The following ZZEF1 variants were observed in gnomAD, a reference collection of about 807,000 sequenced individuals.
ZZEF1 encodes zinc finger ZZ-type and EF-hand domain containing 1, also known as zinc finger ZZ-type and EF-hand domain-containing protein 1.
In ZZEF1, 157 loss-of-function variants were observed where a neutral mutation model predicts 342.8. The ratio of observed to expected loss-of-function variants is 0.46; its 90% confidence interval spans 0.40 to 0.52. ZZEF1 has a LOEUF of 0.52. ZZEF1 is among the 20% of genes least tolerant of loss of function. The probability of loss-of-function intolerance (pLI) is 0.00; values close to 1 mark genes in which losing one functional copy is unlikely to be tolerated. For synonymous variants in ZZEF1, 1,505 were observed against 1,429.1 expected (o/e 1.05, Z -1.20); for missense variants, 3,480 against 3,725.6 (o/e 0.93, Z 1.72).
intron 34 of ZZEF1, among the ~76,000 whole-genome samples, chr17:4,053,511 A>G (rs2057093344): frequency 6.6e-6 from 1 of 152,188 alleles, no homozygotes; most frequent in Non-Finnish European, 1.5e-5. Context: ...ACCCTCCTTT[A>G]TAACTCAGCA....
At chr17:4,070,412 T>C (rs1471494215) in intron 26 of ZZEF1, among the ~76,000 whole-genome samples, 1 of 152,224 alleles carries the variant, frequency 6.6e-6, no homozygotes, top group Admixed American at 6.5e-5. Flanking sequence ...TTCTTTCCAT[T>C]AAATTTCTCA....
intron 23 of ZZEF1, 76 bp from the exon 24 acceptor site, chr17:4,074,427 C>G: frequency 7.0e-7 from 1 of 1,419,022 alleles, no homozygotes; most frequent in Non-Finnish European, 9.9e-7. Flanking sequence ...CTCTTCATGA[C>G]GAGAAACATC....
intron 1 of ZZEF1, among the ~76,000 whole-genome samples, chr17:4,126,954 G>A (rs571057631): frequency 2.0e-5 from 3 of 152,044 alleles, no homozygotes; most frequent in East Asian, 3.9e-4. Context: ...GTGCTAGAGC[G>A]AGAGTCTGTC....
chr17:4,115,754 T>C (rs2058383758), intron 3 of ZZEF1, among the ~76,000 whole-genome samples: 1 of 152,244 alleles, frequency 6.6e-6, no homozygotes, highest in Non-Finnish European at 1.5e-5. Context: ...TAGTCAATTG[T>C]ATCTGTAATA....
intron 1 of ZZEF1, among the ~76,000 whole-genome samples, chr17:4,138,431 T>C (rs2325879): frequency 0.76 from 115,929 of 152,192 alleles, 46,482 homozygotes; most frequent in East Asian, 1. Flanking sequence ...ACAAAAATCA[T>C]ATTTAACCGT....
chr17:4,029,840 C>T (rs1484863043), intron 42 of ZZEF1, among the ~76,000 whole-genome samples: 1 of 147,476 alleles, frequency 6.8e-6, no homozygotes, highest in African/African-American at 2.5e-5. Flanking sequence ...TGCCAATGCA[C>T]TCCAGCCTGG....
At position 4,013,410 on chromosome 17, in the gene ZZEF1, T is replaced by C. The variant is rs368792443; in HGVS notation, c.8579+39A>G. ...GGGCCAGCCACAGAGTGGGGATACA[T>C]ATGCCTGGCAAAGGGCTGCCATCCG... On this transcript the variant is annotated intron_variant, in intron 52 of 54. Coordinates refer to ENST00000381638, the MANE Select transcript of ZZEF1 (RefSeq NM_015113.4). The C allele has an allele frequency of 2.6e-6, 4 of 1,539,664 alleles. No homozygotes were observed. In the South Asian group the frequency reaches 3.6e-5, roughly 14 times the overall value.
intron 32 of ZZEF1, among the ~76,000 whole-genome samples, chr17:4,056,581 T>C (rs893293098): frequency 5.3e-5 from 8 of 152,184 alleles, no homozygotes; most frequent in Admixed American, 1.3e-4. Context: ...AATTAAGAGT[T>C]TGAAAGGTTG....
intron 42 of ZZEF1, among the ~76,000 whole-genome samples, chr17:4,025,614 G>A (rs2056384802): frequency 6.6e-6 from 1 of 151,736 alleles, no homozygotes; most frequent in Non-Finnish European, 1.5e-5. Flanking sequence ...CCCAGGAGGT[G>A]GAGGCTGCGG....
chr17:4,131,453 T>C (rs992234230), intron 1 of ZZEF1, among the ~76,000 whole-genome samples: 1 of 148,614 alleles, frequency 6.7e-6, no homozygotes, highest in Non-Finnish European at 1.5e-5. Flanking sequence ...ATGTATTCAA[T>C]TGTTAACTCC....
chr17:4,040,681 TAGGA>T (rs2056783877), intron 39 of ZZEF1, among the ~76,000 whole-genome samples: 1 of 151,888 alleles, frequency 6.6e-6, no homozygotes, highest in Non-Finnish European at 1.5e-5. Flanking sequence ...GAAAATAACT[TAGGA>T]AGGGGCAGGG....
rs565531048 is a variant in ZZEF1 at position 4,040,521 on chromosome 17, G to T, written c.6306+1908C>A. On this transcript the variant is annotated intron_variant, in intron 39 of 54. Transcript: ENST00000381638. ...CATCTCATCTTGTCAAGGAATAAAA[G>T]GTCTCACTTTATTCGGAAGAGAAGG... 1.2e-4 allele frequency among the ~76,000 whole-genome samples: 19 copies of T among 152,170 alleles called. No individual in the cohort carries two copies. In the South Asian group the frequency reaches 3.7e-3, roughly 30 times the overall value.
At chr17:4,084,175 C>T (rs187295528) in intron 16 of ZZEF1, among the ~76,000 whole-genome samples, 2 of 152,144 alleles carry the variant, frequency 1.3e-5, no homozygotes, top group Admixed American at 1.3e-4. Context: ...TGTGGGTTTT[C>T]GATACATGCC....
intron 33 of ZZEF1, among the ~76,000 whole-genome samples, chr17:4,055,186 AG>A (rs2057130880): frequency 6.6e-6 from 1 of 152,212 alleles, no homozygotes; most frequent in African/African-American, 2.4e-5. Flanking sequence ...GATCTAAATC[AG>A]TAAGTCATAC....
intron 39 of ZZEF1, among the ~76,000 whole-genome samples, chr17:4,039,692 G>A (rs1472391041): frequency 8.0e-5 from 11 of 137,978 alleles, no homozygotes; most frequent in Non-Finnish European, 1.7e-4. Context: ...CGCCCAGGCT[G>A]GAGTGCAGTG....
chr17:4,088,954 A>AG, intron 12 of ZZEF1, 61 bp from the exon 13 acceptor site: 1 of 1,534,702 alleles, frequency 6.5e-7, no homozygotes, highest in Non-Finnish European at 8.9e-7. Flanking sequence ...TTGATTAAAG[A>AG]GGGAAAAAGG....
chr17:4,109,566 T>C, intron 6 of ZZEF1, 87 bp downstream of exon 6: 1 of 1,426,624 alleles, frequency 7.0e-7, no homozygotes, highest in Non-Finnish European at 9.8e-7. Flanking sequence ...CGATCAATGA[T>C]GGAAGGCTGC....
intron 7 of ZZEF1, among the ~76,000 whole-genome samples, 167 bp downstream of exon 7, chr17:4,105,526 G>A (rs10521129): frequency 0.19 from 28,446 of 152,134 alleles, 2,833 homozygotes; most frequent in African/African-American, 0.25. Context: ...CTGCTAAATA[G>A]TGGACTTTAG....
At chr17:4,010,944 A>T (rs1442092224) in intron 52 of ZZEF1, among the ~76,000 whole-genome samples, 1 of 151,932 alleles carries the variant, frequency 6.6e-6, no homozygotes, top group Non-Finnish European at 1.5e-5. Context: ...AACACTTAAG[A>T]CAAGCGTGGT....
Sources: allele counts gnomAD v4.1 joint callset (sites outside exome capture counted in the v4.1 genomes callset), GRCh38; gene constraint gnomAD v4.1.1; transcripts MANE v1.5; gene names NCBI Gene and HGNC (gene_info 2026-07-23, HGNC 2026-07-21).